TRHDE: variants seen among roughly 807,000 people sequenced by gnomAD.
TRHDE encodes thyrotropin releasing hormone degrading enzyme, also known as thyrotropin-releasing hormone-degrading ectoenzyme.
TRHDE carries 72 observed loss-of-function variants against 125.7 expected under a neutral mutation model. The observed-to-expected ratio is 0.57, with a 90% CI of 0.47 to 0.70. The LOEUF is 0.70. Ranked by LOEUF, TRHDE falls within the 30% of genes least tolerant of loss-of-function variation. TRHDE has a pLI of 0.00. For synonymous variants in TRHDE, 509 were observed against 509.1 expected, an observed-to-expected ratio of 1.00 and a Z score of 0.00; for missense variants, 1,110 against 1,327.1, an observed-to-expected ratio of 0.84 and a Z score of 2.54.
intron 2 of TRHDE, among the ~76,000 whole-genome samples, chr12:72,141,365 A>G (rs984933800): frequency 9.2e-5 from 14 of 152,226 alleles, no homozygotes; most frequent in African/African-American, 3.4e-4. Context: ...GACTCATGCT[A>G]TGAGACCCCA....
intron 12 of TRHDE, among the ~76,000 whole-genome samples, chr12:72,596,232 T>A (rs1436657357): frequency 6.6e-6 from 1 of 152,190 alleles, no homozygotes; most frequent in African/African-American, 2.4e-5. Flanking sequence ...GTAGTTTTGA[T>A]AAATGGATAG....
intron 3 of TRHDE, among the ~76,000 whole-genome samples, chr12:72,457,519 T>A (rs1875915499): frequency 6.6e-6 from 1 of 152,112 alleles, no homozygotes; most frequent in African/African-American, 2.4e-5. Context: ...CGCACTGCAA[T>A]AAGTGATTTA....
intron 2 of TRHDE, among the ~76,000 whole-genome samples, chr12:72,287,326 C>T (rs879282859): frequency 2.6e-5 from 4 of 152,086 alleles, no homozygotes; most frequent in Admixed American, 6.6e-5. Context: ...TTGAAATGTA[C>T]AGAACATGTG....
chr12:72,323,410 T>C lies in TRHDE; in HGVS notation c.1188+36456T>C, dbSNP rs567168449. Among the ~76,000 whole-genome samples the C allele has an allele frequency of 1.5e-4, 23 of 152,252 alleles. No homozygotes were observed. The Middle Eastern group carries it at 0.01, about 68-fold the overall frequency. ...ACAGAATACACTTTAGAACTGTTGG[T>C]AATGAAAGTTGTTTAAGTTCTAAGA... On this transcript the variant is annotated intron_variant, in intron 2 of 18. Transcript: ENST00000261180.
At chr12:72,391,260 C>T (rs1872601605) in intron 3 of TRHDE, among the ~76,000 whole-genome samples, 1 of 152,102 alleles carries the variant, frequency 6.6e-6, no homozygotes, top group Admixed American at 6.6e-5. Flanking sequence ...TTTGATGCTG[C>T]TGCTCATATA....
At chr12:72,657,548 A>G (rs1213287181) in intron 18 of TRHDE, among the ~76,000 whole-genome samples, 1 of 152,180 alleles carries the variant, frequency 6.6e-6, no homozygotes, top group Non-Finnish European at 1.5e-5. Context: ...AGATTAATAA[A>G]TTGCTTTAAA....
intron 12 of TRHDE, among the ~76,000 whole-genome samples, chr12:72,583,315 C>T (rs774016007): frequency 1.3e-5 from 2 of 152,136 alleles, no homozygotes; most frequent in South Asian, 2.1e-4. Context: ...CCTTTCTAAC[C>T]GGTATAAGTT....
rs561515895 is a variant in TRHDE, at chr12:72,281,910, A to G, written c.915-4771A>G. Among the ~76,000 whole-genome samples, 49 of 152,336 alleles carry G rather than the reference A, an allele frequency of 3.2e-4. No individual in the cohort carries two copies. The South Asian group carries it at 0.01, about 32-fold the overall frequency. ...TCAATTCTCTATATCCTTCAGAGGCAACATGGAGCTTTAAGCCTTCCTTCT... is the reference window on the plus strand; with the variant it reads ...TCAATTCTCTATATCCTTCAGAGGCGACATGGAGCTTTAAGCCTTCCTTCT... On this transcript the variant is annotated intron_variant, in intron 1 of 18. Coordinates refer to ENST00000261180, the MANE Select transcript of TRHDE (RefSeq NM_013381.3).
intron 2 of TRHDE, among the ~76,000 whole-genome samples, chr12:72,149,187 A>G (rs114752721): frequency 1.1e-4 from 16 of 152,190 alleles, no homozygotes; most frequent in African/African-American, 3.6e-4. Flanking sequence ...TCCAATAACT[A>G]TTATTTTCTC....
intron 2 of TRHDE, among the ~76,000 whole-genome samples, chr12:72,232,808 C>G (rs183693365): frequency 6.6e-6 from 1 of 152,232 alleles, no homozygotes; most frequent in East Asian, 1.9e-4. Context: ...AATGTTTCCC[C>G]TACCTCCCTA....
At chr12:72,338,985 T>A (rs1163091530) in intron 2 of TRHDE, among the ~76,000 whole-genome samples, 2 of 152,202 alleles carry the variant, frequency 1.3e-5, no homozygotes, top group African/African-American at 4.8e-5. Context: ...TTATCTGTAT[T>A]TTCAGTAGAA....
At chr12:72,519,523 GT>G (rs1160621543) in intron 6 of TRHDE, among the ~76,000 whole-genome samples, 6 of 152,158 alleles carry the variant, frequency 3.9e-5, no homozygotes, top group Middle Eastern at 3.4e-3. Flanking sequence ...CTGTGTATTG[GT>G]TATTCTAGTT....
At chr12:72,126,119 G>A (rs768728410) in intron 2 of TRHDE, among the ~76,000 whole-genome samples, 1 of 152,044 alleles carries the variant, frequency 6.6e-6, no homozygotes, top group Middle Eastern at 3.2e-3. Flanking sequence ...TTGCATAGCC[G>A]CACACACAAA....
intron 2 of TRHDE, 21 bp downstream of exon 2, chr12:72,286,975 G>T: frequency 1.2e-6 from 2 of 1,608,292 alleles, no homozygotes; most frequent in South Asian, 1.1e-5. Context: ...TCAGCTTAAT[G>T]ATGTTTTTGG....
intron 12 of TRHDE, among the ~76,000 whole-genome samples, chr12:72,588,129 T>C (rs2136044452): frequency 6.6e-6 from 1 of 152,342 alleles, no homozygotes; most frequent in East Asian, 1.9e-4. Flanking sequence ...TTATAGTGCA[T>C]TGACCTTTCT....
At chr12:72,200,697 A>C (rs1167489580) in intron 2 of TRHDE, among the ~76,000 whole-genome samples, 1 of 152,188 alleles carries the variant, frequency 6.6e-6, no homozygotes, top group Admixed American at 6.5e-5. Context: ...AACAATGAAG[A>C]GGCAGTCTTG....
At chr12:72,395,503 ACCCTCCTTCTC>A (rs958974596) in intron 3 of TRHDE, among the ~76,000 whole-genome samples, 28 of 151,578 alleles carry the variant, frequency 1.8e-4, no homozygotes, top group Admixed American at 1.6e-3. Context: ...ACAACTTGTC[ACCCTCCTTCTC>A]CCTAGAATTC....
intron 2 of TRHDE, among the ~76,000 whole-genome samples, chr12:72,308,314 G>C (rs1345854216): frequency 6.6e-6 from 1 of 152,100 alleles, no homozygotes; most frequent in Non-Finnish European, 1.5e-5. Context: ...ATTGATATCT[G>C]AGAGAGGTCG....
intron 8 of TRHDE, among the ~76,000 whole-genome samples, chr12:72,562,512 T>C (rs916889551): frequency 1.3e-5 from 2 of 150,864 alleles, no homozygotes; most frequent in Non-Finnish European, 3.0e-5. Context: ...TAAAAAAAAA[T>C]TGAAGTTTTA....
Sources: gnomAD v4.1 joint callset for allele counts (sites outside exome capture counted in the v4.1 genomes callset) on GRCh38, gnomAD v4.1.1 for gene constraint, MANE v1.5 for transcripts, NCBI Gene and HGNC (gene_info 2026-07-23, HGNC 2026-07-21) for gene names.